Variants in APBA2 observed in about 807,000 individuals in gnomAD.
APBA2 encodes amyloid-beta A4 precursor protein-binding family A member 2.
APBA2 carries 30 observed loss-of-function variants against 75.0 expected under a neutral mutation model. The ratio of observed to expected loss-of-function variants is 0.40; its 90% CI spans 0.30 to 0.54. The LOEUF (loss-of-function observed/expected upper bound fraction) is 0.54. APBA2 is among the 20% of genes least tolerant of loss of function. The pLI, the probability that APBA2 is intolerant of heterozygous loss-of-function variation, is 0.49. For synonymous variants in APBA2, 444 were observed against 409.6 expected, an observed-to-expected ratio of 1.08 and a Z score of -1.01; for missense variants, 801 against 1,016.1, an observed-to-expected ratio of 0.79 and a Z score of 2.88.
At chr15:29,086,888 G>T (rs146304614) in intron 6 of APBA2, among the ~76,000 whole-genome samples, 71 of 152,310 alleles carry the variant, frequency 4.7e-4, no homozygotes, top group African/African-American at 1.6e-3. Context: ...CAGGATGTAT[G>T]CAAAGAGGTC....
intron 2 of APBA2, among the ~76,000 whole-genome samples, chr15:28,937,541 G>A (rs975557223): frequency 3.9e-5 from 6 of 152,180 alleles, no homozygotes; most frequent in African/African-American, 1.4e-4. Flanking sequence ...GCCTCCTGGT[G>A]GCTGCTTACT....
At chr15:28,969,834 A>G (rs2036969568) in intron 2 of APBA2, among the ~76,000 whole-genome samples, 1 of 152,206 alleles carries the variant, frequency 6.6e-6, no homozygotes, top group African/African-American at 2.4e-5. Context: ...GAATATTCCC[A>G]CTTAGGTGCC....
intron 3 of APBA2, among the ~76,000 whole-genome samples, chr15:29,001,740 T>G (rs1272424291): frequency 1.3e-5 from 2 of 152,222 alleles, no homozygotes; most frequent in Admixed American, 1.3e-4. Flanking sequence ...AAGCTCCTGC[T>G]CTGACACCCA....
chr15:29,020,547 C>T (rs760673123), intron 3 of APBA2, among the ~76,000 whole-genome samples: 11 of 151,814 alleles, frequency 7.2e-5, no homozygotes, highest in South Asian at 2.1e-4. Context: ...GGCTCACGCC[C>T]GTAATCCCAG....
intron 2 of APBA2, among the ~76,000 whole-genome samples, chr15:28,968,961 G>T (rs1269692530): frequency 6.6e-6 from 1 of 151,702 alleles, no homozygotes; most frequent in African/African-American, 2.4e-5. Context: ...TTTTCTGGAG[G>T]TAATCATGGT....
At chr15:28,913,554 C>G (rs916292176) in intron 1 of APBA2, among the ~76,000 whole-genome samples, 7 of 152,240 alleles carry the variant, frequency 4.6e-5, no homozygotes, top group Middle Eastern at 3.4e-3. Flanking sequence ...AGTCCACCAC[C>G]AGGAGGTAGA....
At chr15:28,954,213 C>T (rs1444504060) in intron 2 of APBA2, among the ~76,000 whole-genome samples, 3 of 152,160 alleles carry the variant, frequency 2.0e-5, no homozygotes, top group Non-Finnish European at 4.4e-5. Flanking sequence ...GATTGCTGTG[C>T]CAGTTTCCTG....
intron 2 of APBA2, among the ~76,000 whole-genome samples, chr15:28,983,846 T>C (rs985846298): frequency 3.3e-5 from 5 of 151,634 alleles, no homozygotes; most frequent in African/African-American, 9.7e-5. Context: ...GTTTTAGGAG[T>C]AGATTAATGG....
chr15:28,971,239 T>G (rs1362482087), intron 2 of APBA2, among the ~76,000 whole-genome samples: 1 of 152,094 alleles, frequency 6.6e-6, no homozygotes, highest in Admixed American at 6.5e-5. Flanking sequence ...TAATCACGAT[T>G]GGATAAGGGG....
chr15:29,055,755 C>T (rs184714136), intron 4 of APBA2, among the ~76,000 whole-genome samples: 179 of 150,758 alleles, frequency 1.2e-3, no homozygotes, highest in African/African-American at 4.1e-3. Flanking sequence ...GGATTTTCAG[C>T]ACTTATATTT....
At chr15:28,965,226 G>C (rs1446774783) in intron 2 of APBA2, among the ~76,000 whole-genome samples, 1 of 152,042 alleles carries the variant, frequency 6.6e-6, no homozygotes, top group Admixed American at 6.5e-5. Context: ...TAATTGAAAA[G>C]GCTGTCCCTC....
intron 10 of APBA2, among the ~76,000 whole-genome samples, chr15:29,103,135 A>G (rs1293521316): frequency 6.6e-6 from 1 of 152,242 alleles, no homozygotes; most frequent in African/African-American, 2.4e-5. Context: ...GGCCACAGGT[A>G]CTGGCGGAAT....
intron 6 of APBA2, among the ~76,000 whole-genome samples, chr15:29,089,413 G>A (rs371670747): frequency 4.6e-5 from 7 of 152,306 alleles, no homozygotes; most frequent in African/African-American, 1.7e-4. Context: ...CCTTTGCAGA[G>A]AGCAGCGGGC....
chr15:29,059,384 C>G (rs1201300466), intron 4 of APBA2, among the ~76,000 whole-genome samples: 1 of 152,012 alleles, frequency 6.6e-6, no homozygotes, highest in Non-Finnish European at 1.5e-5. Context: ...CTGGGAGGTG[C>G]TAAAGTAAAC....
chr15:29,114,068 G>A (rs771100831), intron 14 of APBA2, 52 bp downstream of exon 14: 37 of 1,612,360 alleles, frequency 2.3e-5, no homozygotes, highest in African/African-American at 5.3e-5. Flanking sequence ...ACGTGCTCCC[G>A]CCTGCCCTCC....
rs2033809455 is a variant in APBA2, at chr15:28,918,720, G to A, written c.-204-2920G>A. Among the ~76,000 whole-genome samples the A allele has an allele frequency of 6.6e-6, 1 of 152,272 alleles. No individual in the cohort carries two copies. On this transcript the variant is annotated intron_variant, in intron 1 of 14. Transcript: ENST00000683413. This position sits in a 1 kb window ranked among gnomAD's most constrained non-coding sequence, Gnocchi z 4.2. ...AGAGGCTACTGCTGGGCCTGGTGTC[G>A]CCATGGCAGCTGGAGAGCGGGCGAC...
rs371592409 is a variant in APBA2 at position 29,113,828 on chromosome 15, G to C, written c.2038-48G>C. On this transcript the variant is annotated intron_variant, in intron 13 of 14. Coordinates refer to ENST00000683413, the MANE Select transcript of APBA2 (RefSeq NM_001353788.2). ...TCTTTGGGGACGTGGTGGAGCGCCT[G>C]TCGGGTGTGGCGGGAACACGTGTGC... The C allele has an allele frequency of 1.7e-5, 27 of 1,597,568 alleles. No homozygotes were observed. In the Admixed American group the frequency reaches 3.2e-4, roughly 19 times the overall value.
At chr15:29,078,970 T>C (rs1009394135) in intron 6 of APBA2, among the ~76,000 whole-genome samples, 1 of 152,208 alleles carries the variant, frequency 6.6e-6, no homozygotes, top group African/African-American at 2.4e-5. Context: ...GTGTCAGCTG[T>C]GTCTCCAGGC....
intron 1 of APBA2, among the ~76,000 whole-genome samples, chr15:28,907,662 G>C (rs755276615): frequency 1.3e-5 from 2 of 152,162 alleles, no homozygotes; most frequent in Non-Finnish European, 2.9e-5. Flanking sequence ...TCAACCTCAG[G>C]ATCAATGCTT....
Sources: allele counts gnomAD v4.1 joint callset (sites outside exome capture counted in the v4.1 genomes callset), GRCh38; gene constraint gnomAD v4.1.1; non-coding constraint Gnocchi (gnomAD v3.1); transcripts MANE v1.5; gene names NCBI Gene and HGNC (gene_info 2026-07-23, HGNC 2026-07-21).